The following NUMA1 variants were observed in gnomAD, a reference collection of about 807,000 sequenced individuals.
The protein encoded by NUMA1 is SP-H antigen.
Under a neutral mutation model 237.1 loss-of-function variants are expected in NUMA1, and 62 were observed. The ratio of observed to expected loss-of-function variants is 0.26; its 90% CI spans 0.21 to 0.32. The LOEUF (loss-of-function observed/expected upper bound fraction) is 0.32, where lower values mean the gene tolerates loss of function less well. NUMA1 is among the 10% of genes least tolerant of loss of function. The pLI, the probability that NUMA1 is intolerant of heterozygous loss-of-function variation, is 1.00. For missense variants in NUMA1, 2,533 were observed against 2,666.5 expected (o/e 0.95, Z 1.10); for synonymous variants, 1,028 against 1,066.1 (o/e 0.96, Z 0.70).
intron 8 of NUMA1, among the ~76,000 whole-genome samples, chr11:72,020,008 C>T (rs571423654): frequency 2.0e-5 from 3 of 152,318 alleles, no homozygotes; most frequent in African/African-American, 7.2e-5. Context: ...GAGCCATTGG[C>T]CACCATTTGG....
chr11:72,006,912 C>T (rs920817273), intron 21 of NUMA1, among the ~76,000 whole-genome samples: 2 of 152,254 alleles, frequency 1.3e-5, no homozygotes, highest in East Asian at 1.9e-4. Context: ...GCTGCAGCTT[C>T]GCCACGTTCT....
intron 1 of NUMA1, among the ~76,000 whole-genome samples, chr11:72,075,231 G>A (rs1291147790): frequency 6.6e-6 from 1 of 152,104 alleles, no homozygotes; most frequent in African/African-American, 2.4e-5. Flanking sequence ...GCTCCGCTTT[G>A]TGATGCTGGG....
Position 72,013,963 on chromosome 11 carries a change from G to C in NUMA1, c.3540C>G (p.His1180Gln). The C allele has an allele frequency of 6.2e-7, 1 of 1,613,644 alleles. No individual in the cohort carries two copies. The highest frequency in any genetic ancestry group is 8.5e-7 in the Non-Finnish European group (1 of 1,180,008). ...QLEEKAQELGHSQSALASAQR... is the reference protein window; with the variant it reads ...QLEEKAQELGQSQSALASAQR... ...GGGCCGAGGCTAAGGCACTCTGACT[G>C]TGCCCTAGCTCCTGGGCCTTCTCCT... Residue 1180 changes from histidine to glutamine, a missense_variant, in exon 15 of 27, where the codon CAC (histidine) becomes CAG (glutamine). Around this residue, in one of 3 missense-constraint regions of NUMA1, gnomAD observed 1,414 missense variants for 1,508.1 expected, o/e 0.94. Transcript: ENST00000393695. The surrounding 1 kb of genome is among the most constrained non-coding windows in gnomAD (Gnocchi z 6.8).
At position 72,049,554 on chromosome 11, in the gene NUMA1, AAT is replaced by A. The variant is rs1942194560; in HGVS notation, c.-32-13581_-32-13580del. 4 of 8,456 alleles carry A rather than the reference AAT, an allele frequency of 4.7e-4. 1 individual carries two copies. The highest frequency in any genetic ancestry group is 1.0e-3 in the African/African-American group (4 of 3,898). 0.5% of individuals were successfully genotyped at this position (8,456 alleles called of 1,614,324 possible). On this transcript the variant is annotated intron_variant, in intron 2 of 26. Coordinates refer to ENST00000393695, the MANE Select transcript of NUMA1 (RefSeq NM_006185.4). ...TGAGAACCTGTCTAAAAAAAAAAAT[AAT>A]AATAATATATATATATATATATATA... is the stretch of plus-strand genomic sequence containing the variant.
At position 72,014,567 on chromosome 11, in the gene NUMA1, T is replaced by C. The variant is rs760047757; in HGVS notation, c.2936A>G (p.Asn979Ser). Residue 979 changes from asparagine to serine, a missense_variant, in exon 15 of 27, where the codon AAT becomes AGT. Around this residue, in one of 3 missense-constraint regions of NUMA1, gnomAD observed 1,414 missense variants for 1,508.1 expected, o/e 0.94. Transcript: ENST00000393695. The surrounding 1 kb of genome is among the most constrained non-coding windows in gnomAD (Gnocchi z 4.6). Reference sequence around the variant, plus strand: ...CGCGGCCCGCAGCCGTTCCAGCTCATTGCCCATCTGCTCTGCCTCCCGCTC... The same window carrying C: ...CGCGGCCCGCAGCCGTTCCAGCTCACTGCCCATCTGCTCTGCCTCCCGCTC... ...AMEREAEQMGNELERLRAALM... is the reference protein window; with the variant it reads ...AMEREAEQMGSELERLRAALM... 5 of 1,603,880 alleles carry C rather than the reference T, an allele frequency of 3.1e-6. No individual in the cohort carries two copies. In the East Asian group the frequency reaches 1.1e-4, roughly 36 times the overall value.
At position 72,006,254 on chromosome 11, in the gene NUMA1, C is replaced by A; in HGVS notation, c.5473G>T (p.Val1825Leu). The A allele has an allele frequency of 6.2e-7, 1 of 1,613,918 alleles. No individual in the cohort carries two copies. The highest frequency in any genetic ancestry group is 1.1e-5 in the South Asian group (1 of 91,076). ...GAGTTGGCGCTGTCTGGCTCTTCCA[C>A]ATCTAGCTTCTGGAAGACAGAGTGA... ...INITMTKKLD[V>L]EEPDSANSSF... Residue 1825 changes from valine (V) to leucine (L), a missense_variant, in exon 22 of 27, where the codon GTG (valine) becomes TTG (leucine). Transcript: ENST00000393695.
At chr11:72,052,328 A>G (rs1942409875) in intron 2 of NUMA1, among the ~76,000 whole-genome samples, 1 of 152,190 alleles carries the variant, frequency 6.6e-6, no homozygotes, top group Non-Finnish European at 1.5e-5. Context: ...TTTAAGCTAG[A>G]TATTAAAATA....
intron 3 of NUMA1, among the ~76,000 whole-genome samples, chr11:72,035,430 C>A (rs1940900490): frequency 2.0e-5 from 3 of 151,020 alleles, no homozygotes; most frequent in African/African-American, 7.3e-5. Context: ...ATTTTTTAGA[C>A]CGAGTCTTGC....
At chr11:72,049,957 T>C (rs1334150270) in intron 2 of NUMA1, among the ~76,000 whole-genome samples, 1 of 151,842 alleles carries the variant, frequency 6.6e-6, no homozygotes, top group Non-Finnish European at 1.5e-5. Flanking sequence ...CTAGTTAGGG[T>C]GTTCTTTCAA....
At chr11:72,026,130 C>A (rs1295475632) in intron 4 of NUMA1, among the ~76,000 whole-genome samples, 2 of 152,194 alleles carry the variant, frequency 1.3e-5, no homozygotes, top group African/African-American at 4.8e-5. Context: ...AGTAAAGCTG[C>A]ATGGAGCATA....
rs1955983234 is a variant in NUMA1, at chr11:72,009,343, G to A, written c.4764C>T (p.Arg1588=). 6.2e-7 allele frequency: 1 copy of A among 1,612,910 alleles called. No homozygotes were observed. Among genetic ancestry groups the A allele is most frequent in the Non-Finnish European group, 8.5e-7 (1 of 1,179,956 alleles). ...QGGESQQEAQ[R]LQAQLNELQA... ...GCAGTTCATTCAGCTGGGCCTGGAG[G>A]CGCTGGGCCTCCTGCTGGCTCTCGC... Residue 1588 remains arginine, a synonymous_variant, in exon 18 of 27, where the codon CGC becomes CGT. Coordinates refer to ENST00000393695, the MANE Select transcript of NUMA1 (RefSeq NM_006185.4).
chr11:72,020,777 C>G (rs1479072160), intron 8 of NUMA1: 1 of 153,418 alleles, frequency 6.5e-6, no homozygotes, highest in Non-Finnish European at 1.4e-5. Flanking sequence ...GGAGGCTAAG[C>G]AGGAGAATTG....
chr11:72,057,730 C>T (rs764068649), intron 2 of NUMA1, among the ~76,000 whole-genome samples: 3 of 142,930 alleles, frequency 2.1e-5, no homozygotes, highest in Admixed American at 7.2e-5. Flanking sequence ...AGAAACAGAG[C>T]GAGACACCGT....
chr11:72,046,294 C>T (rs951910662), intron 2 of NUMA1, among the ~76,000 whole-genome samples: 34 of 152,250 alleles, frequency 2.2e-4, no homozygotes, highest in East Asian at 1.9e-4. Context: ...CCTGTAATCC[C>T]AGCACTTTGG....
At position 72,029,237 on chromosome 11, in the gene NUMA1, G is replaced by A. The variant is rs1191565944; in HGVS notation, c.96C>T (p.Asp32=). The change falls in exon 4 of 27, where the codon GAC becomes GAT. Residue 32 remains aspartate, a synonymous_variant. Coordinates refer to ENST00000393695, the MANE Select transcript of NUMA1 (RefSeq NM_006185.4). ...CAATGATCTTGATGAAGATGCTGCA[G>A]TCCTGGAGCTGCAGCACAGCCTCCA... ...DPVEAVLQLQ[D]CSIFIKIIDR... 1 of 1,611,398 alleles carries A rather than the reference G, an allele frequency of 6.2e-7. No individual in the cohort carries two copies. The highest frequency in any genetic ancestry group is 1.7e-5 in the Admixed American group (1 of 60,012).
chr11:72,007,574 T>C (rs1955828740), intron 20 of NUMA1, 139 bp from the exon 21 acceptor site: 1 of 1,122,334 alleles, frequency 8.9e-7, no homozygotes, highest in East Asian at 2.6e-5. Flanking sequence ...TTTTCAGAGG[T>C]ACCAAGGAAA....
intron 3 of NUMA1, among the ~76,000 whole-genome samples, chr11:72,033,893 C>T (rs1046237554): frequency 6.6e-6 from 1 of 151,832 alleles, no homozygotes; most frequent in Admixed American, 6.6e-5. Context: ...TTTGAGGTCA[C>T]ATTAAAATTG....
At chr11:72,074,515 AACT>A (rs953045132) in intron 1 of NUMA1, among the ~76,000 whole-genome samples, 1 of 151,892 alleles carries the variant, frequency 6.6e-6, no homozygotes, top group Non-Finnish European at 1.5e-5. Flanking sequence ...ACTTTGAGAG[AACT>A]GCTTGAGCTC....
At chr11:72,005,205 G>A (rs765318830) in intron 23 of NUMA1, 28 bp downstream of exon 23, 1 of 1,544,338 alleles carries the variant, frequency 6.5e-7, no homozygotes, top group Non-Finnish European at 8.7e-7. Flanking sequence ...AGGGATGGGA[G>A]GCCCTGCACA....
Sources: allele counts gnomAD v4.1 joint callset (sites outside exome capture counted in the v4.1 genomes callset), GRCh38; gene constraint gnomAD v4.1.1; regional missense constraint gnomAD v4.1.1; non-coding constraint Gnocchi (gnomAD v3.1); transcripts MANE v1.5; gene names NCBI Gene and HGNC (gene_info 2026-07-23, HGNC 2026-07-21).